The following XRCC1 variants were observed in gnomAD, a reference collection of about 807,000 sequenced individuals.
XRCC1 encodes the protein DNA repair protein XRCC1.
In XRCC1, 52 loss-of-function variants were observed where a neutral mutation model predicts 83.3. The ratio of observed to expected loss-of-function variants is 0.62; its 90% CI spans 0.50 to 0.79. The LOEUF (loss-of-function observed/expected upper bound fraction) is 0.79, where lower values mean the gene tolerates loss of function less well. Ranked by LOEUF, XRCC1 falls within the 30% of genes least tolerant of loss-of-function variation. The pLI, the probability that XRCC1 is intolerant of heterozygous loss-of-function variation, is 0.00. For synonymous variants in XRCC1, 281 were observed against 312.6 expected (o/e 0.90, Z 1.07); for missense variants, 793 against 823.5 (o/e 0.96, Z 0.45).
chr19:43,573,742 G>A (rs1972826975), intron 2 of XRCC1, among the ~76,000 whole-genome samples: 2 of 152,194 alleles, frequency 1.3e-5, no homozygotes, highest in African/African-American at 4.8e-5. Flanking sequence ...AGGCATGGTG[G>A]TGCACACCTG....
intron 12 of XRCC1, 99 bp downstream of exon 12, chr19:43,546,496 C>T: frequency 2.1e-6 from 3 of 1,402,268 alleles, no homozygotes; most frequent in Non-Finnish European, 2.9e-6. Context: ...AGTCCAGGCC[C>T]CAGCCCCTCC....
chr19:43,553,677 G>T lies in XRCC1; in HGVS notation c.421C>A (p.Pro141Thr). Residue 141 changes from proline (P) to threonine (T), a missense_variant, in exon 5 of 17, where the codon CCC (proline) becomes ACC (threonine). Pro to Thr is a conservative substitution (Grantham distance 38, BLOSUM62 -1). Transcript: ENST00000262887. ...VCSQPYSKDSPFGLSFVRFHS... is the reference protein window; with the variant it reads ...VCSQPYSKDSTFGLSFVRFHS... ...AACCGTACAAAACTCAAGCCAAAGG[G>T]GGAGTCCTGGGAAAGGAGGGGTGGG... 6.5e-7 allele frequency: 1 copy of T among 1,537,700 alleles called. No homozygotes were observed. Among genetic ancestry groups the T allele is most frequent in the Non-Finnish European group, 8.8e-7 (1 of 1,138,734 alleles).
At chr19:43,549,044 CT>C (rs1264469297) in intron 10 of XRCC1, among the ~76,000 whole-genome samples, 2 of 152,040 alleles carry the variant, frequency 1.3e-5, no homozygotes, top group African/African-American at 4.8e-5. Flanking sequence ...TGTTTTCAAG[CT>C]GGTGAAATGC....
intron 9 of XRCC1, 55 bp from the exon 10 acceptor site, chr19:43,551,742 G>A (rs1284730346): frequency 3.7e-6 from 5 of 1,355,572 alleles, no homozygotes; most frequent in East Asian, 4.6e-5. Flanking sequence ...GGGGCAAAGG[G>A]GAACGAGACA....
intron 14 of XRCC1, among the ~76,000 whole-genome samples, chr19:43,544,903 C>T (rs918777062): frequency 3.3e-5 from 5 of 152,122 alleles, no homozygotes; most frequent in Non-Finnish European, 5.9e-5. Flanking sequence ...AGCAGTCCTC[C>T]CACCTCGGCC....
At chr19:43,544,671 TA>T (rs1303713032) in intron 14 of XRCC1, among the ~76,000 whole-genome samples, 1 of 152,096 alleles carries the variant, frequency 6.6e-6, no homozygotes, top group African/African-American at 2.4e-5. Flanking sequence ...CAAGCCAGAC[TA>T]ATTTTTAAAC....
chr19:43,571,503 G>C (rs1177745404), intron 2 of XRCC1, among the ~76,000 whole-genome samples: 3 of 152,134 alleles, frequency 2.0e-5, no homozygotes, highest in Non-Finnish European at 4.4e-5. Context: ...CCACAAGACT[G>C]AATTTCTTTT....
chr19:43,544,842 C>T (rs2682556), intron 14 of XRCC1, among the ~76,000 whole-genome samples: 24,737 of 150,372 alleles, frequency 0.16, 2,112 homozygotes, highest in Non-Finnish European at 0.19. Flanking sequence ...AGGCGGGGGT[C>T]GGGGGGGGTC....
intron 2 of XRCC1, among the ~76,000 whole-genome samples, chr19:43,562,850 C>G (rs3213313): frequency 0.031 from 4,656 of 152,290 alleles, 103 homozygotes; most frequent in East Asian, 0.12. Context: ...TCCTGGTGTG[C>G]CAGACTCCTG....
At chr19:43,572,139 A>G (rs969084780) in intron 2 of XRCC1, among the ~76,000 whole-genome samples, 1 of 152,198 alleles carries the variant, frequency 6.6e-6, no homozygotes, top group African/African-American at 2.4e-5. Flanking sequence ...CCCAGGCCAG[A>G]GACAGGTTCT....
rs1366190178 is a variant in XRCC1 at position 43,546,179 on chromosome 19, AC to A, written c.1427-74del. On this transcript the variant is annotated intron_variant, in intron 12 of 16. Coordinates refer to ENST00000262887, the MANE Select transcript of XRCC1 (RefSeq NM_006297.3). Reference sequence around the variant, plus strand: ...AGACTGGCAGCTCTCCCAGTATGGCACAGACCCAGGCATCTCATGCCCCCAG... The same window carrying A: ...AGACTGGCAGCTCTCCCAGTATGGCAAGACCCAGGCATCTCATGCCCCCAG... 1.1e-5 allele frequency: 17 copies of A among 1,564,316 alleles called. No individual in the cohort carries two copies. In the African/African-American group the frequency reaches 1.9e-4, roughly 17 times the overall value.
At chr19:43,548,240 C>T (rs1161526969) in intron 10 of XRCC1, among the ~76,000 whole-genome samples, 1 of 152,000 alleles carries the variant, frequency 6.6e-6, no homozygotes, top group Non-Finnish European at 1.5e-5. Context: ...AGTGAGGAGC[C>T]CCTCTGCCTG....
chr19:43,575,368 T>C, intron 1 of XRCC1, 40 bp downstream of exon 1: 2 of 1,564,910 alleles, frequency 1.3e-6, no homozygotes, highest in Non-Finnish European at 1.7e-6. Context: ...CCTCATTAAT[T>C]CCCTCACGTC....
chr19:43,543,372 G>C lies in XRCC1; in HGVS notation c.*20C>G. On this transcript the variant is annotated 3_prime_UTR_variant, in exon 17 of 17. Coordinates refer to ENST00000262887, the MANE Select transcript of XRCC1 (RefSeq NM_006297.3). ...TGTGTGTGTGTGTGTGTGTGTGTGT[G>C]TGTGTGTATAGCACATACTTCAGGC... 1 of 1,451,280 alleles carries C rather than the reference G, an allele frequency of 6.9e-7. No homozygotes were observed. Among genetic ancestry groups the C allele is most frequent in the Non-Finnish European group, 9.6e-7 (1 of 1,041,738 alleles). 89.9% of individuals were successfully genotyped at this position (1,451,280 alleles called of 1,614,324 possible).
intron 2 of XRCC1, among the ~76,000 whole-genome samples, chr19:43,569,417 A>G (rs1972785794): frequency 6.7e-6 from 1 of 149,322 alleles, no homozygotes; most frequent in Non-Finnish European, 1.5e-5. Flanking sequence ...TCGAGCCTGT[A>G]GTGAGCTGAG....
At chr19:43,571,557 G>A (rs979054693) in intron 2 of XRCC1, among the ~76,000 whole-genome samples, 14 of 152,334 alleles carry the variant, frequency 9.2e-5, no homozygotes, top group South Asian at 2.1e-4. Context: ...AGGCTGGAGC[G>A]CAATGGTGCG....
At chr19:43,572,927 CTTTTT>C (rs1015971628) in intron 2 of XRCC1, among the ~76,000 whole-genome samples, 9 of 91,138 alleles carry the variant, frequency 9.9e-5, no homozygotes, top group Non-Finnish European at 1.9e-4. Context: ...GAGATCTTTT[CTTTTT>C]TTTTTTTTTT....
At chr19:43,562,561 T>G (rs1388377141) in intron 2 of XRCC1, among the ~76,000 whole-genome samples, 1 of 152,030 alleles carries the variant, frequency 6.6e-6, no homozygotes, top group Non-Finnish European at 1.5e-5. Context: ...CTGGGCAACA[T>G]AGCCAGACCT....
rs1207805028 is a variant in XRCC1 at position 43,543,356 on chromosome 19, G to A, written c.*36C>T. ...TTAAATGCATCGTGTGTGTGTGTGT[G>A]TGTGTGTGTGTGTGTGTGTGTGTAT... On this transcript the variant is annotated 3_prime_UTR_variant, in exon 17 of 17. Transcript: ENST00000262887. 3.2e-6 allele frequency: 4 copies of A among 1,249,962 alleles called. No homozygotes were observed. The highest frequency in any genetic ancestry group is 4.5e-6 in the Non-Finnish European group (4 of 889,528). The allele number at this position is 1,249,962 out of a possible 1,614,324, so 77.4% of individuals were successfully genotyped here.
Sources: gnomAD v4.1 joint callset for allele counts (sites outside exome capture counted in the v4.1 genomes callset) on GRCh38, gnomAD v4.1.1 for gene constraint, MANE v1.5 for transcripts, NCBI Gene and HGNC (gene_info 2026-07-23, HGNC 2026-07-21) for gene names.